Variants in PHKB observed in about 807,000 individuals in gnomAD.
PHKB encodes the protein phosphorylase b kinase regulatory subunit beta.
A neutral mutation model predicts 152.1 loss-of-function variants in PHKB; 122 were observed. The ratio of observed to expected loss-of-function variants is 0.80; its 90% confidence interval spans 0.69 to 0.93. The LOEUF (loss-of-function observed/expected upper bound fraction) is 0.93. Among genes scored for constraint, PHKB ranks in the 40% least tolerant of loss-of-function variants. The pLI is 0.00. For synonymous variants in PHKB, 436 were observed against 464.9 expected (o/e 0.94, Z 0.80); for missense variants, 1,304 against 1,328.4 (o/e 0.98, Z 0.29).
intron 6 of PHKB, among the ~76,000 whole-genome samples, chr16:47,533,903 G>A (rs1007623360): frequency 7.2e-5 from 11 of 152,276 alleles, no homozygotes; most frequent in African/African-American, 2.4e-4. Flanking sequence ...AGGGAGGGCG[G>A]GGCTCCTGCC....
At chr16:47,608,804 A>G (rs1304542334) in intron 13 of PHKB, among the ~76,000 whole-genome samples, 2 of 152,202 alleles carry the variant, frequency 1.3e-5, no homozygotes, top group African/African-American at 4.8e-5. Flanking sequence ...TGGACTCTGT[A>G]TTCTATTTCT....
rs1031747242 is a variant in PHKB at position 47,590,845 on chromosome 16, A to T, written c.1068+1743A>T. 2.0e-5 allele frequency: 3 copies of T among 151,716 alleles called. No individual in the cohort carries two copies. In the East Asian group the frequency reaches 5.8e-4, roughly 29 times the overall value. 9.4% of individuals were successfully genotyped at this position (151,716 alleles called of 1,614,324 possible). A position where few individuals can be genotyped will look rare whatever the true frequency, so the allele number is the denominator to read the frequency against. On this transcript the variant is annotated intron_variant, in intron 10 of 30. Coordinates refer to ENST00000323584, the MANE Select transcript of PHKB (RefSeq NM_000293.3). The stretch of plus-strand genomic sequence containing the variant: ...GTCCTGCTATCTGACTCTGCCAGGA[A>T]CTCCCCATGAAAGCTTTTCCAGCTT...
chr16:47,601,106 A>G (rs1050305116), intron 13 of PHKB, among the ~76,000 whole-genome samples: 3 of 152,072 alleles, frequency 2.0e-5, no homozygotes, highest in Non-Finnish European at 2.9e-5. Context: ...AGTCCCAGCT[A>G]CTCAGGAGGC....
intron 20 of PHKB, among the ~76,000 whole-genome samples, chr16:47,658,078 G>T (rs1437878935): frequency 6.6e-6 from 1 of 152,152 alleles, no homozygotes; most frequent in Non-Finnish European, 1.5e-5. Flanking sequence ...GTGGAAACCA[G>T]AGTTCTTCAA....
At chr16:47,464,162 G>C (rs1305668510) in intron 1 of PHKB, 20 of 640,238 alleles carry the variant, frequency 3.1e-5, no homozygotes, top group Non-Finnish European at 4.5e-5. Flanking sequence ...TTTGAATGTG[G>C]CCTATTGTGT....
At chr16:47,471,528 C>T (rs1013282322) in intron 1 of PHKB, among the ~76,000 whole-genome samples, 4 of 152,152 alleles carry the variant, frequency 2.6e-5, no homozygotes, top group African/African-American at 7.2e-5. Context: ...ACACCTGGCA[C>T]CATGCTGGGT....
At chr16:47,504,552 A>C (rs1169116134) in intron 4 of PHKB, among the ~76,000 whole-genome samples, 2 of 152,268 alleles carry the variant, frequency 1.3e-5, no homozygotes, top group African/African-American at 4.8e-5. Flanking sequence ...TGTGGTTAGC[A>C]GTCTCAGGCC....
intron 7 of PHKB, among the ~76,000 whole-genome samples, chr16:47,557,310 G>T (rs943120171): frequency 3.3e-5 from 5 of 152,176 alleles, no homozygotes; most frequent in Admixed American, 6.5e-5. Flanking sequence ...TACCATTCAG[G>T]ACATAGGCAT....
intron 13 of PHKB, among the ~76,000 whole-genome samples, chr16:47,602,228 A>T (rs1266901680): frequency 1.3e-5 from 2 of 152,096 alleles, no homozygotes; most frequent in Non-Finnish European, 2.9e-5. Flanking sequence ...GCCTGGCAGG[A>T]TCTTTTTCTT....
intron 23 of PHKB, among the ~76,000 whole-genome samples, chr16:47,663,064 TC>T: frequency 6.6e-6 from 1 of 152,324 alleles, no homozygotes; most frequent in South Asian, 2.1e-4. Context: ...TATAATTTTA[TC>T]CAATTTGTTA....
chr16:47,514,572 C>T (rs555117798), intron 5 of PHKB, among the ~76,000 whole-genome samples: 3 of 152,308 alleles, frequency 2.0e-5, no homozygotes, highest in Admixed American at 6.5e-5. Flanking sequence ...TGGCACCTGC[C>T]GACCTTGAGA....
intron 1 of PHKB, among the ~76,000 whole-genome samples, chr16:47,494,309 G>T (rs1446904068): frequency 6.6e-6 from 1 of 152,248 alleles, no homozygotes; most frequent in African/African-American, 2.4e-5. Flanking sequence ...CTTCTGATTA[G>T]CATCAGTTAC....
intron 6 of PHKB, among the ~76,000 whole-genome samples, chr16:47,527,366 A>G (rs1970786364): frequency 6.6e-6 from 1 of 152,184 alleles, no homozygotes; most frequent in Non-Finnish European, 1.5e-5. Context: ...AAGGTAGGAT[A>G]GAGACTCTCA....
intron 13 of PHKB, among the ~76,000 whole-genome samples, chr16:47,599,740 A>G (rs1298140845): frequency 6.6e-6 from 1 of 152,230 alleles, no homozygotes; most frequent in Non-Finnish European, 1.5e-5. Flanking sequence ...TTTGCATACT[A>G]TGAAACCACA....
intron 26 of PHKB, among the ~76,000 whole-genome samples, chr16:47,684,630 A>C (rs1973928086): frequency 6.6e-6 from 1 of 152,088 alleles, no homozygotes; most frequent in Non-Finnish European, 1.5e-5. Context: ...AGCTGGGCGT[A>C]GTAGCGGGCG....
chr16:47,507,886 C>T (rs1970447728), intron 4 of PHKB, among the ~76,000 whole-genome samples: 1 of 152,162 alleles, frequency 6.6e-6, no homozygotes. Flanking sequence ...CCTGTCTTGG[C>T]CATTTCCTTT....
chr16:47,542,324 A>G (rs1971074875), intron 6 of PHKB, among the ~76,000 whole-genome samples: 1 of 151,890 alleles, frequency 6.6e-6, no homozygotes, highest in African/African-American at 2.4e-5. Context: ...GTGTGGTATT[A>G]TTTCTGAGGC....
chr16:47,498,009 T>C (rs927892195), intron 2 of PHKB, among the ~76,000 whole-genome samples: 1 of 152,224 alleles, frequency 6.6e-6, no homozygotes, highest in Non-Finnish European at 1.5e-5. Flanking sequence ...AACTTTCAGA[T>C]ATGTGTATAA....
At chr16:47,543,301 G>A (rs193281628) in intron 6 of PHKB, among the ~76,000 whole-genome samples, 74 of 152,166 alleles carry the variant, frequency 4.9e-4, no homozygotes, top group African/African-American at 1.8e-3. Flanking sequence ...TGATGGATAC[G>A]TTTAATGATT....
Sources: gnomAD v4.1 joint callset for allele counts (sites outside exome capture counted in the v4.1 genomes callset) on GRCh38, gnomAD v4.1.1 for gene constraint, MANE v1.5 for transcripts, NCBI Gene and HGNC (gene_info 2026-07-23, HGNC 2026-07-21) for gene names.